The following CHD6 variants were observed in gnomAD, a reference collection of about 807,000 sequenced individuals.
CHD6 encodes the protein chromodomain helicase DNA binding protein 6.
A neutral mutation model predicts 276.9 loss-of-function variants in CHD6; 50 were observed. The ratio of observed to expected loss-of-function variants is 0.18; its 90% CI spans 0.14 to 0.23. CHD6 has a LOEUF of 0.23. Among genes scored for constraint, CHD6 ranks in the 10% least tolerant of loss-of-function variants. The probability of loss-of-function intolerance (pLI) is 1.00; values close to 1 mark genes in which losing one functional copy is unlikely to be tolerated. For synonymous variants in CHD6, 1,173 were observed against 1,229.3 expected (o/e 0.95, Z 0.96); for missense variants, 2,564 against 3,365.8 (o/e 0.76, Z 5.89).
intron 17 of CHD6, among the ~76,000 whole-genome samples, chr20:41,467,621 C>T (rs969435391): frequency 6.9e-6 from 1 of 144,932 alleles, no homozygotes. Flanking sequence ...ATCTTCCCAG[C>T]ACCTTGGGAG....
At chr20:41,557,589 A>G (rs2045255043) in intron 1 of CHD6, among the ~76,000 whole-genome samples, 1 of 152,194 alleles carries the variant, frequency 6.6e-6, no homozygotes, top group Non-Finnish European at 1.5e-5. Context: ...CTATACCTTG[A>G]GAACTCTGCC....
intron 17 of CHD6, among the ~76,000 whole-genome samples, chr20:41,461,466 A>T (rs142755821): frequency 1.4e-3 from 217 of 152,226 alleles, no homozygotes; most frequent in African/African-American, 5.0e-3. Flanking sequence ...TTTCCATGCA[A>T]TTCTCACGAT....
intron 17 of CHD6, chr20:41,459,285 A>C (rs923224260): frequency 6.6e-6 from 1 of 152,442 alleles, no homozygotes; most frequent in Admixed American, 6.6e-5. Flanking sequence ...AAGTACTGGG[A>C]CAGAAGAGAG....
At chr20:41,588,659 C>T (rs1487854738) in intron 1 of CHD6, among the ~76,000 whole-genome samples, 1 of 152,194 alleles carries the variant, frequency 6.6e-6, no homozygotes, top group Non-Finnish European at 1.5e-5. Context: ...CACACCACTT[C>T]TCTAAGCTAG....
chr20:41,477,134 A>G (rs2043186303), intron 16 of CHD6, among the ~76,000 whole-genome samples: 1 of 152,108 alleles, frequency 6.6e-6, no homozygotes, highest in South Asian at 2.1e-4. Context: ...CTAGCTACTC[A>G]GGAGGAGTAG....
intron 1 of CHD6, among the ~76,000 whole-genome samples, chr20:41,551,877 T>C (rs1208806641): frequency 6.6e-6 from 1 of 152,204 alleles, no homozygotes; most frequent in African/African-American, 2.4e-5. Flanking sequence ...TGTACATTTA[T>C]TACTTGAAAA....
chr20:41,540,002 A>G (rs150997567), intron 2 of CHD6, among the ~76,000 whole-genome samples: 82 of 152,344 alleles, frequency 5.4e-4, no homozygotes, highest in African/African-American at 1.9e-3. Flanking sequence ...ACAATTTTTT[A>G]AAGTCTGCAA....
At chr20:41,606,374 C>A (rs534624379) in intron 1 of CHD6, among the ~76,000 whole-genome samples, 1 of 152,192 alleles carries the variant, frequency 6.6e-6, no homozygotes, top group East Asian at 1.9e-4. Flanking sequence ...ATTAGCCAGG[C>A]GTGGTGGCGG....
At position 41,546,722 on chromosome 20, in the gene CHD6, C is replaced by T. The variant is rs2045050260; in HGVS notation, c.33+4583G>A. Among the ~76,000 whole-genome samples the T allele has an allele frequency of 2.6e-5, 4 of 152,036 alleles. No individual in the cohort carries two copies. The South Asian group carries it at 8.3e-4, about 32-fold the overall frequency. On this transcript the variant is annotated intron_variant, in intron 2 of 36. Coordinates refer to ENST00000373233, the MANE Select transcript of CHD6 (RefSeq NM_032221.5). Reference sequence around the variant, plus strand: ...ATTTTATTTTTATAATTTTTTTCTGCCTAATAATGCTTAGTCATCTTAAGA... The same window carrying T: ...ATTTTATTTTTATAATTTTTTTCTGTCTAATAATGCTTAGTCATCTTAAGA...
intron 1 of CHD6, among the ~76,000 whole-genome samples, chr20:41,594,740 G>C (rs1410496342): frequency 6.6e-6 from 1 of 152,176 alleles, no homozygotes; most frequent in East Asian, 1.9e-4. Context: ...CCAACTAGTT[G>C]GTAATGGACA....
chr20:41,451,815 C>A lies in CHD6; in HGVS notation c.3523+11G>T. Reference sequence around the variant, plus strand: ...ATCGTGCTTCTTAGGCATGGCCCTGCCACCTCTCACCTGAGTGGTTCTGGA... The same window carrying A: ...ATCGTGCTTCTTAGGCATGGCCCTGACACCTCTCACCTGAGTGGTTCTGGA... On this transcript the variant is annotated intron_variant, in intron 22 of 36. Coordinates refer to ENST00000373233, the MANE Select transcript of CHD6 (RefSeq NM_032221.5). The A allele has an allele frequency of 1.2e-6, 2 of 1,613,138 alleles. No homozygotes were observed. The highest frequency in any genetic ancestry group is 1.1e-5 in the South Asian group (1 of 91,048).
At chr20:41,485,934 T>C (rs1359030993) in intron 14 of CHD6, 1 of 152,130 alleles carries the variant, frequency 6.6e-6, no homozygotes, top group Non-Finnish European at 1.5e-5. Context: ...TAAATACATA[T>C]TTTGTCGATT....
At chr20:41,423,825 T>C in intron 29 of CHD6, 125 bp from the exon 30 acceptor site, 1 of 687,918 alleles carries the variant, frequency 1.5e-6, no homozygotes, top group Non-Finnish European at 2.4e-6. Context: ...GGTTTGTCTC[T>C]TTTATTATTT....
chr20:41,487,546 A>C (rs2043446387), intron 14 of CHD6, 119 bp downstream of exon 14: 1 of 936,850 alleles, frequency 1.1e-6, no homozygotes, highest in African/African-American at 1.7e-5. Context: ...TAAAGGAGGT[A>C]ACGCTCATTT....
chr20:41,574,928 C>T (rs912198910), intron 1 of CHD6, among the ~76,000 whole-genome samples: 2 of 152,154 alleles, frequency 1.3e-5, no homozygotes, highest in Non-Finnish European at 2.9e-5. Context: ...TTTGCAAAGC[C>T]CCCTCCTTTT....
intron 1 of CHD6, among the ~76,000 whole-genome samples, chr20:41,555,301 A>C (rs1223627199): frequency 2.6e-5 from 3 of 116,084 alleles, no homozygotes; most frequent in African/African-American, 3.3e-5. Flanking sequence ...ACCTCCCAGT[A>C]GGGGCGGCCG....
At chr20:41,615,986 A>G (rs1444408175) in intron 1 of CHD6, among the ~76,000 whole-genome samples, 2 of 152,238 alleles carry the variant, frequency 1.3e-5, no homozygotes. Flanking sequence ...CTGCAATTTC[A>G]CAGCAAAATC....
Position 41,421,659 on chromosome 20 carries a change from G to T in CHD6, c.4976C>A (p.Pro1659His). ...SRTSESLENEPENLVRVESRD... is the reference protein window; with the variant it reads ...SRTSESLENEHENLVRVESRD... The stretch of plus-strand genomic sequence containing the variant: ...GCTTTCTACTCTCACTAGATTTTCA[G>T]GTTCATTTTCAAGGGACTCTGAAGT... The change falls in exon 31 of 37, where the codon CCT becomes CAT. Residue 1659 changes from proline to histidine, a missense_variant. Coordinates refer to ENST00000373233, the MANE Select transcript of CHD6 (RefSeq NM_032221.5). The T allele has an allele frequency of 6.2e-7, 1 of 1,613,394 alleles. No homozygotes were observed. Among genetic ancestry groups the T allele is most frequent in the South Asian group, 1.1e-5 (1 of 91,006 alleles).
chr20:41,575,808 G>C (rs1026675595), intron 1 of CHD6, among the ~76,000 whole-genome samples: 5 of 152,094 alleles, frequency 3.3e-5, no homozygotes, highest in Admixed American at 3.3e-4. Flanking sequence ...AGATATACAG[G>C]ACAGTCATTA....
Sources: gnomAD v4.1 joint callset for allele counts (sites outside exome capture counted in the v4.1 genomes callset) on GRCh38, gnomAD v4.1.1 for gene constraint, MANE v1.5 for transcripts, NCBI Gene and HGNC (gene_info 2026-07-23, HGNC 2026-07-21) for gene names.